C4orf50: variants seen among roughly 807,000 people sequenced by gnomAD.
C4orf50 encodes uncharacterized protein C4orf50.
Under a neutral mutation model 77.2 loss-of-function variants are expected in C4orf50, and 80 were observed. The observed-to-expected ratio is 1.04, with a 90% confidence interval of 0.87 to 1.25. C4orf50 has a LOEUF of 1.25. Ranked by LOEUF, C4orf50 falls within the 50% of genes most tolerant of loss-of-function variation. The pLI, the probability that C4orf50 is intolerant of heterozygous loss-of-function variation, is 0.00. For synonymous variants in C4orf50, 532 were observed against 465.3 expected, an observed-to-expected ratio of 1.14 and a Z score of -1.84; for missense variants, 1,257 against 1,152.9, an observed-to-expected ratio of 1.09 and a Z score of -1.31.
At chr4:5,983,715 C>T (rs1347446768) in intron 28 of C4orf50, among the ~76,000 whole-genome samples, 1 of 152,196 alleles carries the variant, frequency 6.6e-6, no homozygotes, top group African/African-American at 2.4e-5. Context: ...ATTTTCCAAA[C>T]AATGGTCTCG....
chr4:5,907,880 C>A (rs954456856), intron 7 of C4orf50, among the ~76,000 whole-genome samples: 1 of 152,138 alleles, frequency 6.6e-6, no homozygotes, highest in South Asian at 2.1e-4. Flanking sequence ...AAGCAGACCC[C>A]TGAGGCTCCA....
exon 28 of C4orf50, chr4:5,989,060 A>G: frequency 6.5e-7 from 1 of 1,536,006 alleles, no homozygotes; most frequent in Non-Finnish European, 8.7e-7. Context: ...GCCTGTAAAT[A>G]TTGATCCAGT....
chr4:5,915,535 G>T (rs6828366), intron 7 of C4orf50, among the ~76,000 whole-genome samples: 144,309 of 152,254 alleles, frequency 0.95, 68,657 homozygotes, highest in East Asian at 1. Context: ...TTTTCCTTTC[G>T]TCTTGGGACA....
rs955300903 is a variant in C4orf50, at chr4:5,975,101, T to C, written c.3921+798A>G. Among the ~76,000 whole-genome samples the C allele has an allele frequency of 5.4e-5, 7 of 129,886 alleles. No individual in the cohort carries two copies. In the East Asian group the frequency reaches 1.7e-3, roughly 31 times the overall value. The allele number at this position is 129,886 out of a possible 152,430, so 85.2% of individuals were successfully genotyped here. On this transcript the variant is annotated intron_variant, in intron 30 of 33. Coordinates refer to ENST00000531445, the Ensembl canonical transcript of C4orf50. ...GTTGCAGTGAGCCAAAATCGTACCA[T>C]TGCACTCCAGCCTGGGCGACAGAGT...
intron 7 of C4orf50, among the ~76,000 whole-genome samples, chr4:5,930,144 C>G (rs1450223943): frequency 1.3e-5 from 2 of 152,130 alleles, no homozygotes; most frequent in African/African-American, 4.8e-5. Context: ...CACTGAGAAT[C>G]GGGGAGCCTG....
chr4:5,998,287 C>A (rs1335501752), intron 25 of C4orf50, among the ~76,000 whole-genome samples: 2 of 152,140 alleles, frequency 1.3e-5, no homozygotes, highest in African/African-American at 4.8e-5. Flanking sequence ...TTTATTAAGA[C>A]CACTGGCCAT....
Position 6,015,067 on chromosome 4 carries a change from C to A in C4orf50, c.287+3078G>T, listed in dbSNP as rs1056536846. Among the ~76,000 whole-genome samples, 3 of 151,948 alleles carry A rather than the reference C, an allele frequency of 2.0e-5. No individual in the cohort carries two copies. The highest frequency in any genetic ancestry group is 1.3e-4 in the Admixed American group (2 of 15,206). ...TTTCTAGAAGATTTGAATGTACAAC[C>A]CTGTATGGGCCTACGCTGCTAGTCT... On this transcript the variant is annotated intron_variant, in intron 23 of 33. Coordinates refer to ENST00000531445, the Ensembl canonical transcript of C4orf50. The surrounding 1 kb of genome is among the most constrained non-coding windows in gnomAD (Gnocchi z 4.4).
intron 29 of C4orf50, among the ~76,000 whole-genome samples, chr4:5,977,991 C>T (rs1720379083): frequency 6.6e-6 from 1 of 152,160 alleles, no homozygotes; most frequent in Non-Finnish European, 1.5e-5. Flanking sequence ...TCAATTAACC[C>T]TATTAGAAAA....
At chr4:5,989,818 C>T (rs1248234583) in exon 28 of C4orf50, 4 of 1,496,322 alleles carry the variant, frequency 2.7e-6, no homozygotes, top group Admixed American at 4.1e-5. Flanking sequence ...GGGGGCACCC[C>T]TGCACCCCAG....
At chr4:5,947,391 G>T (rs906995124) in intron 7 of C4orf50, among the ~76,000 whole-genome samples, 6 of 152,180 alleles carry the variant, frequency 3.9e-5, no homozygotes, top group Admixed American at 3.3e-4. Context: ...CTTAGATGAG[G>T]TGGCTGATGA....
At chr4:5,912,255 TCGTG>T (rs1211279216) in intron 7 of C4orf50, among the ~76,000 whole-genome samples, 1 of 88,576 alleles carries the variant, frequency 1.1e-5, no homozygotes, top group African/African-American at 4.3e-5. Flanking sequence ...AGCACTCCAC[TCGTG>T]TGTGTGTGTG....
chr4:5,954,191 G>A (rs781483954), downstream of C4orf50, among the ~76,000 whole-genome samples: 11 of 149,456 alleles, frequency 7.4e-5, no homozygotes, highest in Admixed American at 7.2e-4. The surrounding 1 kb of genome is among the most constrained non-coding windows in gnomAD (Gnocchi z 4.7). Flanking sequence ...CAGTGACAAC[G>A]GGGAATGGCT....
At chr4:5,999,529 T>C (rs1402736211) in intron 25 of C4orf50, among the ~76,000 whole-genome samples, 3 of 152,344 alleles carry the variant, frequency 2.0e-5, no homozygotes, top group African/African-American at 7.2e-5. Context: ...CTTCCCAGCA[T>C]TGCCACTGTG....
At chr4:5,956,072 G>A (rs963371572), downstream of C4orf50, among the ~76,000 whole-genome samples, 1 of 152,210 alleles carries the variant, frequency 6.6e-6, no homozygotes, top group African/African-American at 2.4e-5. Context: ...TAACCACGGG[G>A]ATAGGTTGTG....
rs1012537829 is a variant in C4orf50 at position 5,992,885 on chromosome 4, C to T, written c.1139G>A (p.Gly380Glu). 2 of 399,020 alleles carry T rather than the reference C, an allele frequency of 5.0e-6. No individual in the cohort carries two copies. The highest frequency in any genetic ancestry group is 4.1e-5 in the African/African-American group (2 of 48,624). 24.7% of individuals were successfully genotyped at this position (399,020 alleles called of 1,614,324 possible). ...TGGAGCCAAAACAGAAGAGGCCCGT[C>T]CAGGCCTGATGCGGCTCCAGGTGCA... Residue 380 changes from glycine to glutamate, a missense_variant, in exon 27 of 34, where the codon GGA (glycine) becomes GAA (glutamate). Gly to Glu is a moderately conservative substitution (Grantham distance 98, BLOSUM62 -2). Transcript: ENST00000531445. The surrounding 1 kb of genome is among the most constrained non-coding windows in gnomAD (Gnocchi z 5.0).
intron 31 of C4orf50, among the ~76,000 whole-genome samples, chr4:5,972,074 G>A (rs1719961003): frequency 6.7e-6 from 1 of 148,976 alleles, no homozygotes; most frequent in Non-Finnish European, 1.5e-5. Context: ...GTGTGATCTC[G>A]GCTCACTGCA....
intron 32 of C4orf50, among the ~76,000 whole-genome samples, chr4:5,965,592 A>G (rs1230872308): frequency 3.9e-5 from 6 of 152,202 alleles, no homozygotes; most frequent in African/African-American, 1.4e-4. Flanking sequence ...AGGGAAGAAG[A>G]CTTGCCTGGG....
At chr4:5,989,318 G>T in exon 28 of C4orf50, 1 of 1,536,040 alleles carries the variant, frequency 6.5e-7, no homozygotes, top group South Asian at 1.2e-5. Context: ...GCAGGCCCCT[G>T]TGGAGGGTTT....
rs1717037477 is a variant in C4orf50 at position 5,916,609 on chromosome 4, G to A, written c.*2475-18421C>T. Among the ~76,000 whole-genome samples, 1 of 152,216 alleles carries A rather than the reference G, an allele frequency of 6.6e-6. No homozygotes were observed. Among genetic ancestry groups the A allele is most frequent in the African/African-American group, 2.4e-5 (1 of 41,462 alleles). ...TTGGGCACCCTCAAAAGCAGAGCCT[G>A]AGACCCAGACAGGGGTGCAGGTGGT... On this transcript the variant is annotated intron_variant, in intron 7 of 7. Coordinates refer to the C4orf50 transcript ENST00000324058. The surrounding 1 kb of genome is among the most constrained non-coding windows in gnomAD (Gnocchi z 4.4).
Sources: allele counts gnomAD v4.1 joint callset (sites outside exome capture counted in the v4.1 genomes callset), GRCh38; gene constraint gnomAD v4.1.1; non-coding constraint Gnocchi (gnomAD v3.1); transcripts MANE v1.5; gene names NCBI Gene and HGNC (gene_info 2026-07-23, HGNC 2026-07-21).